Variants in MRM1 observed in about 807,000 individuals in gnomAD.
MRM1 encodes mitochondrial rRNA methyltransferase 1, also known as rRNA methyltransferase 1, mitochondrial.
Under a neutral mutation model 25.0 loss-of-function variants are expected in MRM1, and 24 were observed. That is an observed-to-expected ratio of 0.96 (90% CI 0.69 to 1.35). MRM1 has a LOEUF of 1.35. Among genes scored for constraint, MRM1 ranks in the 40% most tolerant of loss-of-function variants. MRM1 has a pLI of 0.00. For synonymous variants in MRM1, 188 were observed against 199.2 expected (o/e 0.94, Z 0.47); for missense variants, 431 against 464.1 (o/e 0.93, Z 0.65).
downstream of MRM1, among the ~76,000 whole-genome samples, chr17:36,610,493 A>G (rs374664601): frequency 1.4e-4 from 22 of 152,026 alleles, no homozygotes; most frequent in East Asian, 7.8e-4. Flanking sequence ...CGGCCTCCCA[A>G]TGTGCTGGGA....
the MRM1 span, among the ~76,000 whole-genome samples, chr17:36,623,082 A>C: frequency 7.2e-5 from 11 of 152,150 alleles, no homozygotes; most frequent in Admixed American, 7.2e-4. Flanking sequence ...GCCCTCAATG[A>C]AGTATCACTG....
chr17:36,615,530 G>T, the MRM1 span, among the ~76,000 whole-genome samples: 2,711 of 151,942 alleles, frequency 0.018, 71 homozygotes, highest in African/African-American at 0.057. Context: ...ATGATGGCAG[G>T]CGCCTATAAT....
At chr17:36,631,791 T>A in the MRM1 span, among the ~76,000 whole-genome samples, 1 of 152,124 alleles carries the variant, frequency 6.6e-6, no homozygotes, top group Non-Finnish European at 1.5e-5. Context: ...CCAAAGACCT[T>A]AGGGAAGTGA....
Position 36,601,636 on chromosome 17 carries a change from C to G in MRM1, c.-175C>G, listed in dbSNP as rs2074867007. Reference sequence around the variant, plus strand: ...AGCCTGGGAGCGGGTGGTCGTAGCTCGGTAGTCCAGTTGTGGGTAATCGGG... The same window carrying G: ...AGCCTGGGAGCGGGTGGTCGTAGCTGGGTAGTCCAGTTGTGGGTAATCGGG... On this transcript the variant is annotated 5_prime_UTR_variant, in exon 1 of 5. Transcript: ENST00000614766. The G allele has an allele frequency of 6.2e-6, 4 of 644,250 alleles. No individual in the cohort carries two copies. In the Admixed American group the frequency reaches 1.4e-4, roughly 22 times the overall value. 39.9% of individuals were successfully genotyped at this position (644,250 alleles called of 1,614,324 possible).
chr17:36,601,903 T>A lies in MRM1; in HGVS notation c.93T>A (p.Gly31=). The change falls in exon 1 of 5, where the codon GGT becomes GGA. Residue 31 remains glycine, a synonymous_variant. Coordinates refer to ENST00000614766, the MANE Select transcript of MRM1 (RefSeq NM_024864.5). ...CAGCGCGGCATGGGGAGCGGCCTGG[T>A]GGGGAGGAGCTAAGCCGCTTGCTGC... ...SHAARHGERP[G]GEELSRLLLD... The A allele has an allele frequency of 6.2e-7, 1 of 1,611,648 alleles. No homozygotes were observed. The highest frequency in any genetic ancestry group is 8.5e-7 in the Non-Finnish European group (1 of 1,179,740).
chr17:36,634,136 A>G, the MRM1 span: 1 of 152,194 alleles, frequency 6.6e-6, no homozygotes, highest in South Asian at 2.1e-4. Flanking sequence ...TCCATGGAGA[A>G]TCTTCAAAGC....
In MRM1 at chr17:36,602,633, C is replaced by T. The variant is rs781449481; in HGVS notation, c.623C>T (p.Thr208Ile). The change falls in exon 2 of 5, where the codon ACC (threonine) becomes ATC (isoleucine). Residue 208 changes from threonine (T) to isoleucine (I), a missense_variant. Transcript: ENST00000614766. The surrounding 1 kb of genome is among the most constrained non-coding windows in gnomAD (Gnocchi z 4.1). ...GACGTGTTCTCCACTGATGACCTCA[C>T]CGGATTTTTACAGGTAATGAGGGGC... ...VMDVFSTDDL[T>I]GFLQTKAQQG... The T allele has an allele frequency of 3.1e-6, 5 of 1,614,102 alleles. No individual in the cohort carries two copies. Among genetic ancestry groups the T allele is most frequent in the Non-Finnish European group, 4.2e-6 (5 of 1,180,018 alleles).
At chr17:36,616,879 C>T in the MRM1 span, among the ~76,000 whole-genome samples, 2 of 152,056 alleles carry the variant, frequency 1.3e-5, no homozygotes, top group African/African-American at 4.8e-5. Context: ...GCCACTATGC[C>T]CAGCTGATTA....
chr17:36,633,792 G>A, the MRM1 span, among the ~76,000 whole-genome samples: 1 of 152,148 alleles, frequency 6.6e-6, no homozygotes, highest in Non-Finnish European at 1.5e-5. Context: ...GCCGAAGGAG[G>A]AGATAATTTA....
chr17:36,612,460 T>A (rs1294025890), downstream of MRM1, among the ~76,000 whole-genome samples: 1 of 152,214 alleles, frequency 6.6e-6, no homozygotes, highest in Non-Finnish European at 1.5e-5. Context: ...AGGCAGCCTC[T>A]GGTACCTGGC....
At chr17:36,618,076 C>G in the MRM1 span, among the ~76,000 whole-genome samples, 1 of 152,078 alleles carries the variant, frequency 6.6e-6, no homozygotes, top group Non-Finnish European at 1.5e-5. Context: ...CAGCCTGGGG[C>G]TTTAGGGGGA....
downstream of MRM1, among the ~76,000 whole-genome samples, chr17:36,612,738 C>G (rs1049486905): frequency 6.6e-6 from 1 of 152,182 alleles, no homozygotes; most frequent in Non-Finnish European, 1.5e-5. Context: ...CAGTTTTCAT[C>G]GCCTATAAAA....
the MRM1 span, among the ~76,000 whole-genome samples, chr17:36,627,593 C>T: frequency 2.0e-5 from 3 of 151,816 alleles, no homozygotes; most frequent in Admixed American, 1.3e-4. Context: ...TCCCTTCTTG[C>T]CTTCTGCCTC....
chr17:36,602,073 T>G lies in MRM1; in HGVS notation c.263T>G (p.Leu88Arg). The G allele has an allele frequency of 6.2e-7, 1 of 1,610,340 alleles. No homozygotes were observed. ...KAGLQGKRAE[L>R]LRMAEARDIP... ...GGGCTGCAGGGGAAGCGGGCCGAGC[T>G]GCTCCGGATGGCCGAGGCGCGGGAC... The change falls in exon 1 of 5, where the codon CTG (leucine) becomes CGG (arginine). Residue 88 changes from leucine (L) to arginine (R), a missense_variant. Leu to Arg is a moderately radical substitution (Grantham distance 102, BLOSUM62 -2). Coordinates refer to ENST00000614766, the MANE Select transcript of MRM1 (RefSeq NM_024864.5). The surrounding 1 kb of genome is among the most constrained non-coding windows in gnomAD (Gnocchi z 4.1).
the MRM1 span, among the ~76,000 whole-genome samples, chr17:36,626,238 C>T: frequency 1.1e-4 from 17 of 152,290 alleles, no homozygotes; most frequent in East Asian, 3.1e-3. Context: ...TGTTGTGTCC[C>T]TTTTCTGCAG....
the MRM1 span, among the ~76,000 whole-genome samples, chr17:36,616,464 A>G: frequency 4.6e-5 from 7 of 152,162 alleles, no homozygotes; most frequent in Non-Finnish European, 1.0e-4. Context: ...CCTGTGCCAG[A>G]CTTTCCGTCG....
chr17:36,627,199 G>T, the MRM1 span, among the ~76,000 whole-genome samples: 9 of 152,270 alleles, frequency 5.9e-5, no homozygotes, highest in Non-Finnish European at 4.4e-5. Context: ...AACACCTGCA[G>T]GTCTCCTTCA....
chr17:36,622,813 G>A, the MRM1 span, among the ~76,000 whole-genome samples: 3 of 152,192 alleles, frequency 2.0e-5, no homozygotes, highest in Non-Finnish European at 4.4e-5. Flanking sequence ...TGCTCCTGGG[G>A]TAATGTCAAA....
At chr17:36,623,994 T>G in the MRM1 span, among the ~76,000 whole-genome samples, 1 of 152,168 alleles carries the variant, frequency 6.6e-6, no homozygotes, top group Non-Finnish European at 1.5e-5. Flanking sequence ...CTGCTAATCT[T>G]CCTCACTGCT....
Sources: gnomAD v4.1 joint callset for allele counts (sites outside exome capture counted in the v4.1 genomes callset) on GRCh38, gnomAD v4.1.1 for gene constraint, Gnocchi (gnomAD v3.1) non-coding constraint, MANE v1.5 for transcripts, NCBI Gene and HGNC (gene_info 2026-07-23, HGNC 2026-07-21) for gene names.